The following EYS variants were observed in gnomAD, a reference collection of about 807,000 sequenced individuals.
EYS encodes the protein EGF-like photoreceptor maintenance factor, also known as protein eyes shut homolog.
Under a neutral mutation model 282.1 loss-of-function variants are expected in EYS, and 250 were observed. The observed-to-expected ratio is 0.89, with a 90% CI of 0.80 to 0.98. The LOEUF (loss-of-function observed/expected upper bound fraction) is 0.98, where lower values mean the gene tolerates loss of function less well. Ranked by LOEUF, EYS falls within the 50% of genes least tolerant of loss-of-function variation. EYS has a pLI of 0.00. For missense variants in EYS, 4,016 were observed against 3,709.0 expected (o/e 1.08, Z -2.15); for synonymous variants, 1,355 against 1,282.9 (o/e 1.06, Z -1.20).
intron 12 of EYS, among the ~76,000 whole-genome samples, chr6:65,174,409 C>T (rs1765178966): frequency 2.0e-5 from 3 of 151,364 alleles, no homozygotes; most frequent in Middle Eastern, 3.4e-3. Flanking sequence ...TCTCTGTCCA[C>T]CTTTGAAAAA....
At chr6:65,623,621 G>T (rs967824645) in intron 2 of EYS, among the ~76,000 whole-genome samples, 1 of 152,040 alleles carries the variant, frequency 6.6e-6, no homozygotes, top group South Asian at 2.1e-4. Context: ...AAATTGAAGC[G>T]ATAAAAGGTT....
chr6:65,581,499 A>G (rs1764870065), intron 2 of EYS, among the ~76,000 whole-genome samples: 1 of 152,124 alleles, frequency 6.6e-6, no homozygotes, highest in Non-Finnish European at 1.5e-5. Flanking sequence ...TGCCAGGGAA[A>G]CACAATAATT....
rs1767224327 is a variant in EYS, at chr6:65,247,995, A to AT, written c.2023+47867dup. Among the ~76,000 whole-genome samples the AT allele has an allele frequency of 3.9e-5, 6 of 152,104 alleles. No individual in the cohort carries two copies. In the South Asian group the frequency reaches 1.2e-3, roughly 31 times the overall value. On this transcript the variant is annotated intron_variant, in intron 12 of 42. Coordinates refer to ENST00000503581, the MANE Select transcript of EYS (RefSeq NM_001142800.2). ...ATACATTAAAGACCATACATTTGTGATTTTAGATTGCTTATAATTTCCCCT... is the reference window on the plus strand; with the variant it reads ...ATACATTAAAGACCATACATTTGTGATTTTTAGATTGCTTATAATTTCCCCT...
At chr6:63,920,142 G>A (rs777562301) in intron 35 of EYS, among the ~76,000 whole-genome samples, 38 of 147,900 alleles carry the variant, frequency 2.6e-4, no homozygotes, top group Non-Finnish European at 4.5e-4. Context: ...GGTTTGATTA[G>A]TAGCATTCCA....
At chr6:64,709,568 C>T (rs1009558243) in intron 22 of EYS, among the ~76,000 whole-genome samples, 1 of 152,094 alleles carries the variant, frequency 6.6e-6, no homozygotes, top group Non-Finnish European at 1.5e-5. Flanking sequence ...TTAGGAAAGT[C>T]AGAATATTAT....
intron 26 of EYS, among the ~76,000 whole-genome samples, chr6:64,510,688 T>A (rs1777364183): frequency 6.6e-6 from 1 of 152,298 alleles, no homozygotes; most frequent in African/African-American, 2.4e-5. Context: ...ACTTGCATAA[T>A]CCCAAAATAT....
chr6:64,305,878 C>A (rs1001931009), intron 30 of EYS, among the ~76,000 whole-genome samples: 1 of 152,112 alleles, frequency 6.6e-6, no homozygotes, highest in Admixed American at 6.5e-5. Context: ...AAAAAACAGA[C>A]ATTAGACTTC....
At chr6:63,945,941 T>G (rs1198261697) in intron 35 of EYS, among the ~76,000 whole-genome samples, 1 of 152,248 alleles carries the variant, frequency 6.6e-6, no homozygotes, top group Non-Finnish European at 1.5e-5. Context: ...TTCCTTTTCC[T>G]GAACCTACGA....
intron 2 of EYS, among the ~76,000 whole-genome samples, chr6:65,571,086 CAAT>C (rs1457037523): frequency 2.0e-5 from 3 of 151,676 alleles, no homozygotes; most frequent in African/African-American, 7.3e-5. Context: ...TTTAGAAAAA[CAAT>C]AGTTTTCATT....
rs1022724985 is a variant in EYS at position 65,032,922 on chromosome 6, G to A, written c.2137+24692C>T. Among the ~76,000 whole-genome samples the A allele has an allele frequency of 2.1e-4, 24 of 115,244 alleles. No individual in the cohort carries two copies. The East Asian group carries it at 4.2e-3, about 20-fold the overall frequency. The allele number at this position is 115,244 out of a possible 152,430, so 75.6% of individuals were successfully genotyped here. On this transcript the variant is annotated intron_variant, in intron 13 of 42. Coordinates refer to ENST00000503581, the MANE Select transcript of EYS (RefSeq NM_001142800.2). ...GTTAAATAATTGTGACCAAAATGCT[G>A]CTAATGACATGGACAGTGAAGCCCA... is the stretch of plus-strand genomic sequence containing the variant.
intron 12 of EYS, among the ~76,000 whole-genome samples, chr6:65,075,254 A>G (rs755585625): frequency 1.3e-5 from 2 of 152,022 alleles, no homozygotes; most frequent in Non-Finnish European, 2.9e-5. Flanking sequence ...CACTTCTACA[A>G]TTCAATGAGT....
intron 14 of EYS, among the ~76,000 whole-genome samples, chr6:64,951,704 TGA>T (rs1418090232): frequency 6.6e-6 from 1 of 151,804 alleles, no homozygotes; most frequent in African/African-American, 2.4e-5. Flanking sequence ...TGAAATTTAA[TGA>T]CTTAATATAT....
chr6:64,363,465 CT>C (rs1772084801), intron 29 of EYS, among the ~76,000 whole-genome samples: 1 of 151,864 alleles, frequency 6.6e-6, no homozygotes. Context: ...CGTTTTTCCC[CT>C]GTGCAACCTA....
intron 22 of EYS, among the ~76,000 whole-genome samples, chr6:64,780,371 G>T (rs1773821145): frequency 1.3e-5 from 2 of 152,146 alleles, no homozygotes; most frequent in Non-Finnish European, 2.9e-5. Flanking sequence ...ACTGAAGAAA[G>T]AATTATGGAT....
intron 21 of EYS, among the ~76,000 whole-genome samples, chr6:64,819,591 T>C (rs902393772): frequency 3.3e-5 from 5 of 151,946 alleles, no homozygotes; most frequent in African/African-American, 4.8e-5. Flanking sequence ...TCAATCATAA[T>C]ATATTCACTA....
intron 19 of EYS, among the ~76,000 whole-genome samples, chr6:64,840,287 C>T (rs1456354632): frequency 1.3e-5 from 2 of 151,826 alleles, no homozygotes; most frequent in African/African-American, 2.4e-5. Flanking sequence ...TAACTGGTGC[C>T]TCAATTTGTA....
chr6:64,765,017 G>A (rs191734338), intron 22 of EYS, among the ~76,000 whole-genome samples: 72 of 152,316 alleles, frequency 4.7e-4, no homozygotes, highest in Non-Finnish European at 8.2e-4. Flanking sequence ...GATTATAGGC[G>A]TCAGCCACCG....
intron 35 of EYS, among the ~76,000 whole-genome samples, chr6:63,900,606 T>A (rs1773635181): frequency 6.6e-6 from 1 of 152,112 alleles, no homozygotes; most frequent in Admixed American, 6.5e-5. Context: ...ATCAGAGAAC[T>A]TGGTGAGGAG....
At chr6:64,201,694 C>T (rs963865532) in intron 31 of EYS, among the ~76,000 whole-genome samples, 1 of 152,088 alleles carries the variant, frequency 6.6e-6, no homozygotes, top group Non-Finnish European at 1.5e-5. Context: ...TGTGAAACTA[C>T]AGAGAATCCA....
Sources: allele counts gnomAD v4.1 joint callset (sites outside exome capture counted in the v4.1 genomes callset), GRCh38; gene constraint gnomAD v4.1.1; transcripts MANE v1.5; gene names NCBI Gene and HGNC (gene_info 2026-07-23, HGNC 2026-07-21).